SLC16A8: variants seen among roughly 807,000 people sequenced by gnomAD.
SLC16A8 encodes solute carrier family 16 member 8.
SLC16A8 carries 20 observed loss-of-function variants against 22.4 expected under a neutral mutation model. The ratio of observed to expected loss-of-function variants is 0.89; its 90% confidence interval spans 0.63 to 1.30. The LOEUF (loss-of-function observed/expected upper bound fraction) is 1.30, where lower values mean the gene tolerates loss of function less well. SLC16A8 is among the 50% of genes most tolerant of loss of function. The probability of loss-of-function intolerance (pLI) is 0.00; values close to 1 mark genes in which losing one functional copy is unlikely to be tolerated. For synonymous variants in SLC16A8, 393 were observed against 358.8 expected (o/e 1.10, Z -1.08); for missense variants, 817 against 740.3 (o/e 1.10, Z -1.20).
intron 4 of SLC16A8, 85 bp from the exon 5 acceptor site, chr22:38,081,764 C>T: frequency 1.4e-6 from 2 of 1,460,074 alleles, no homozygotes; most frequent in South Asian, 1.4e-5. Context: ...CCCGGGAACC[C>T]AGCAGATCCG....
chr22:38,082,918 GGCCAGC>G, intron 2 of SLC16A8, 37 bp from the exon 3 acceptor site: 1 of 1,237,010 alleles, frequency 8.1e-7, no homozygotes, highest in Non-Finnish European at 1.1e-6. Context: ...GGAGGGGCTG[GGCCAGC>G]AGCCTAGAGA....
At chr22:38,078,941 G>A (rs1470342739) in intron 5 of SLC16A8, among the ~76,000 whole-genome samples, 1 of 152,228 alleles carries the variant, frequency 6.6e-6, no homozygotes, top group Non-Finnish European at 1.5e-5. Flanking sequence ...GTGATATGTG[G>A]CTTCTGGTGA....
intron 1 of SLC16A8, 58 bp from the exon 2 acceptor site, chr22:38,083,419 G>T (rs775007106): frequency 6.5e-6 from 1 of 152,880 alleles, no homozygotes; most frequent in Non-Finnish European, 1.5e-5. Flanking sequence ...ATCAGCCAGG[G>T]GAGCTGAGTT....
intron 5 of SLC16A8, 71 bp from the exon 6 acceptor site, chr22:38,078,775 C>G: frequency 7.0e-7 from 1 of 1,422,104 alleles, no homozygotes; most frequent in Non-Finnish European, 9.7e-7. Context: ...CCTGCACTCT[C>G]AGGTCAAGGG....
In SLC16A8 at chr22:38,083,215, C is replaced by T. The variant is rs534721444; in HGVS notation, c.-182G>A. 5.5e-5 allele frequency: 18 copies of T among 329,696 alleles called. 1 individual carries two copies. Among genetic ancestry groups the T allele is most frequent in the Middle Eastern group, 1.7e-3 (2 of 1,152 alleles). 20.4% of individuals were successfully genotyped at this position (329,696 alleles called of 1,614,324 possible). On this transcript the variant is annotated 5_prime_UTR_variant, in exon 2 of 6. Transcript: ENST00000681075. ...TATGTGCCTGGAGGTGGGCGTCCAG[C>T]ACCAAAGTCGCCCCGTACGCGTGAG...
At position 38,081,584 on chromosome 22, in the gene SLC16A8, CCGCCGCCGCCAGCCCGTTGGCCAGA is replaced by C; in HGVS notation, c.429_453del (p.Leu144AlafsTer43). ...AGCGCGGACAGGAACACGGGGCTGC[CCGCCGCCGCCAGCCCGTTGGCCAGA>C]GGCCGCCGCCGCTCGAAGTACAGCC... On this transcript the variant is annotated frameshift_variant, in exon 5 of 6. Transcript: ENST00000681075. LOFTEE classifies it high-confidence loss of function. 1 of 1,512,350 alleles carries C rather than the reference CCGCCGCCGCCAGCCCGTTGGCCAGA, an allele frequency of 6.6e-7. No individual in the cohort carries two copies. The allele number at this position is 1,512,350 out of a possible 1,614,324, so 93.7% of individuals were successfully genotyped here.
In SLC16A8 at chr22:38,081,266, C is replaced by G. The variant is rs1188492916; in HGVS notation, c.772G>C (p.Val258Leu). The G allele has an allele frequency of 6.3e-7, 1 of 1,582,342 alleles. No individual in the cohort carries two copies. The highest frequency in any genetic ancestry group is 1.1e-5 in the South Asian group (1 of 87,060). Residue 258 changes from valine to leucine, a missense_variant, in exon 5 of 6, where the codon GTC becomes CTC. Transcript: ENST00000681075. ...CCGAGCGCCATCAGGAACTTGGTGA[C>G]GGCGTACACGGCGAAGGCGCGGTCG... The part of the protein sequence containing the change: ...CTDRAFAVYA[V>L]TKFLMALGLF...
Position 38,083,262 on chromosome 22 carries a change from A to C in SLC16A8, c.-229T>G. The C allele has an allele frequency of 8.9e-6, 2 of 225,764 alleles. No homozygotes were observed. The highest frequency in any genetic ancestry group is 1.7e-5 in the Non-Finnish European group (2 of 114,374). The allele number at this position is 225,764 out of a possible 1,614,324, so 14.0% of individuals were successfully genotyped here. ...TGAGGGTCTCGGGACAACAGAACAA[A>C]CAGCAGAGGGGCAGATGCCGGCTGC... On this transcript the variant is annotated 5_prime_UTR_variant, in exon 2 of 6. Transcript: ENST00000681075.
chr22:38,081,459 G>A lies in SLC16A8; in HGVS notation c.579C>T (p.Val193=). The change falls in exon 5 of 6, where the codon GTC becomes GTT. Residue 193 remains valine, a synonymous_variant. Coordinates refer to ENST00000681075, the MANE Select transcript of SLC16A8 (RefSeq NM_013356.3). Reference sequence around the variant, plus strand: ...GGCCCGGCCCGGGCGGCGGCCTCATGACAGCCCCGCAGGCGCAGCAGTGCA... The same window carrying A: ...GGCCCGGCCCGGGCGGCGGCCTCATAACAGCCCCGCAGGCGCAGCAGTGCA... ...LLLHCCACGA[V]MRPPPGPGPR... 1 of 1,324,894 alleles carries A rather than the reference G, an allele frequency of 7.5e-7. No individual in the cohort carries two copies. Among genetic ancestry groups the A allele is most frequent in the South Asian group, 2.1e-5 (1 of 47,452 alleles). 82.1% of individuals were successfully genotyped at this position (1,324,894 alleles called of 1,614,324 possible). A position where few individuals can be genotyped will look rare whatever the true frequency, so the allele number is the denominator to read the frequency against.
chr22:38,080,647 C>G (rs939488563), intron 5 of SLC16A8, among the ~76,000 whole-genome samples, 193 bp downstream of exon 5: 1 of 152,218 alleles, frequency 6.6e-6, no homozygotes, highest in Non-Finnish European at 1.5e-5. Flanking sequence ...CCTGCACCTT[C>G]CTGGGCTTTT....
rs2085910965 is a variant in SLC16A8, at chr22:38,081,156, G to T, written c.882C>A (p.Ile294=). The change falls in exon 5 of 6, where the codon ATC becomes ATA. Residue 294 remains isoleucine (I), a synonymous_variant. Transcript: ENST00000681075. ...PDTDAAFLLS[I]VGFVDIVARP... Reference sequence around the variant, plus strand: ...GCGCCACGATGTCCACGAAGCCCACGATGGACAGCAGGAAGGCGGCGTCGG... The same window carrying T: ...GCGCCACGATGTCCACGAAGCCCACTATGGACAGCAGGAAGGCGGCGTCGG... The T allele has an allele frequency of 1.3e-6, 2 of 1,551,022 alleles. No individual in the cohort carries two copies. The highest frequency in any genetic ancestry group is 1.7e-6 in the Non-Finnish European group (2 of 1,147,230).
chr22:38,082,275 A>C (rs1238169450), intron 3 of SLC16A8, among the ~76,000 whole-genome samples: 1 of 152,200 alleles, frequency 6.6e-6, no homozygotes, highest in African/African-American at 2.4e-5. Flanking sequence ...CACAGCCTCC[A>C]AGTCCCGCCC....
At chr22:38,079,835 C>T (rs1166358513) in intron 5 of SLC16A8, among the ~76,000 whole-genome samples, 1 of 152,256 alleles carries the variant, frequency 6.6e-6, no homozygotes, top group Non-Finnish European at 1.5e-5. Context: ...TCCAGATTCA[C>T]ACAAGAAATG....
chr22:38,080,365 G>A (rs879201813), intron 5 of SLC16A8, among the ~76,000 whole-genome samples: 1 of 152,036 alleles, frequency 6.6e-6, no homozygotes, highest in Admixed American at 6.6e-5. Flanking sequence ...CCATCTGCCC[G>A]CTGAGCACCC....
chr22:38,082,904 A>T, intron 2 of SLC16A8, 23 bp from the exon 3 acceptor site: 1 of 1,351,070 alleles, frequency 7.4e-7, no homozygotes, highest in Non-Finnish European at 1.0e-6. Flanking sequence ...GGCGGGGACA[A>T]GAGGGAGGGG....
chr22:38,081,191 C>T lies in SLC16A8; in HGVS notation c.847G>A (p.Val283Met). The T allele has an allele frequency of 3.9e-6, 6 of 1,557,386 alleles. No individual in the cohort carries two copies. Among genetic ancestry groups the T allele is most frequent in the Non-Finnish European group, 5.2e-6 (6 of 1,150,852 alleles). Reference protein sequence around the residue: ...LLVNYAKDAGVPDTDAAFLLS... With the variant: ...LLVNYAKDAGMPDTDAAFLLS... ...AGGAAGGCGGCGTCGGTGTCGGGCACGCCCGCGTCCTTGGCGTAGTTCACC... is the reference window on the plus strand; with the variant it reads ...AGGAAGGCGGCGTCGGTGTCGGGCATGCCCGCGTCCTTGGCGTAGTTCACC... Residue 283 changes from valine to methionine, a missense_variant, in exon 5 of 6, where the codon GTG becomes ATG. By Grantham distance (21) the Val-to-Met change is conservative (BLOSUM62 1). Coordinates refer to ENST00000681075, the MANE Select transcript of SLC16A8 (RefSeq NM_013356.3).
chr22:38,082,177 A>G, intron 3 of SLC16A8, 145 bp from the exon 4 acceptor site: 1 of 1,035,756 alleles, frequency 9.7e-7, no homozygotes, highest in Non-Finnish European at 1.4e-6. Context: ...CCAAAGAGAC[A>G]GCATCCTGCG....
At position 38,082,756 on chromosome 22, in the gene SLC16A8, T is replaced by G. The variant is rs2085938573; in HGVS notation, c.118A>C (p.Ser40Arg). 5 of 1,593,658 alleles carry G rather than the reference T, an allele frequency of 3.1e-6. No homozygotes were observed. In the East Asian group the frequency reaches 1.1e-4, roughly 36 times the overall value. Residue 40 changes from serine (S) to arginine (R), a missense_variant, in exon 3 of 6, where the codon AGC becomes CGC. Ser to Arg is a moderately radical substitution (Grantham distance 110). Transcript: ENST00000681075. Reference protein sequence around the residue: ...GFAYGFPKAVSVFFRALMRDF... With the variant: ...GFAYGFPKAVRVFFRALMRDF... ...CGCATGAGCGCGCGGAAGAAGACGC[T>G]CACGGCTTTGGGGAAGCCGTAGGCG...
Position 38,081,477 on chromosome 22 carries a change from G to C in SLC16A8, c.561C>G (p.Cys187Trp). 2.2e-6 allele frequency: 3 copies of C among 1,355,910 alleles called. No homozygotes were observed. The South Asian group carries it at 5.5e-5, about 25-fold the overall frequency. 84.0% of individuals were successfully genotyped at this position (1,355,910 alleles called of 1,614,324 possible). Residue 187 changes from cysteine (C) to tryptophan (W), a missense_variant, in exon 5 of 6, where the codon TGC (cysteine) becomes TGG (tryptophan). Physicochemically the swap from Cys to Trp is radical, Grantham distance 215. Coordinates refer to ENST00000681075, the MANE Select transcript of SLC16A8 (RefSeq NM_013356.3). ...GCCTCATGACAGCCCCGCAGGCGCA[G>C]CAGTGCAGCAGGAGCCCGCCGAGCA... The part of the protein sequence containing the change: ...FLLLGGLLLH[C>W]CACGAVMRPP...
Sources: gnomAD v4.1 joint callset for allele counts (sites outside exome capture counted in the v4.1 genomes callset) on GRCh38, gnomAD v4.1.1 for gene constraint, MANE v1.5 for transcripts, NCBI Gene and HGNC (gene_info 2026-07-23, HGNC 2026-07-21) for gene names.